The following CNTNAP3B variants were observed in gnomAD, a reference collection of about 807,000 sequenced individuals.
CNTNAP3B encodes contactin-associated protein-like 3B.
A neutral mutation model predicts 108.9 loss-of-function variants in CNTNAP3B; 25 were observed. The observed-to-expected ratio is 0.23, with a 90% CI of 0.17 to 0.32. The LOEUF is 0.32. Among genes scored for constraint, CNTNAP3B ranks in the 10% least tolerant of loss-of-function variants. The pLI is 1.00. For missense variants in CNTNAP3B, 252 were observed against 1,210.4 expected (o/e 0.21, Z 11.75); for synonymous variants, 103 against 473.4 (o/e 0.22, Z 10.16).
intron 12 of CNTNAP3B, among the ~76,000 whole-genome samples, chr9:41,958,026 T>C (rs1461552389): frequency 1.3e-5 from 2 of 152,290 alleles, no homozygotes; most frequent in Non-Finnish European, 1.5e-5. Flanking sequence ...CCTCCCACAG[T>C]GCTGGGATTA....
At chr9:42,118,710 C>T (rs571822485) in intron 1 of CNTNAP3B, among the ~76,000 whole-genome samples, 1 of 113,572 alleles carries the variant, frequency 8.8e-6, no homozygotes, top group Non-Finnish European at 1.8e-5. Context: ...AAAGGGCATT[C>T]AATTAGGAAA....
At chr9:41,962,617 A>G (rs1825134698) in intron 11 of CNTNAP3B, among the ~76,000 whole-genome samples, 1 of 141,658 alleles carries the variant, frequency 7.1e-6, no homozygotes, top group East Asian at 2.1e-4. Context: ...TGACCTTATC[A>G]AGACATTCAG....
intron 2 of CNTNAP3B, among the ~76,000 whole-genome samples, chr9:42,078,793 T>G (rs1193709560): frequency 1.3e-5 from 2 of 148,524 alleles, no homozygotes; most frequent in African/African-American, 2.6e-5. Context: ...CCAGAGACAG[T>G]GCACAGATTT....
chr9:41,943,392 G>A (rs1325520071), intron 13 of CNTNAP3B, among the ~76,000 whole-genome samples: 2,941 of 132,350 alleles, frequency 0.022, 3 homozygotes, highest in Middle Eastern at 0.05. Context: ...TCTCTCTGTC[G>A]CTCAGGCTGG....
In CNTNAP3B at chr9:41,964,649, A is replaced by C; in HGVS notation, c.1650-5T>G. 1 of 1,477,802 alleles carries C rather than the reference A, an allele frequency of 6.8e-7. No individual in the cohort carries two copies. The highest frequency in any genetic ancestry group is 8.9e-7 in the Non-Finnish European group (1 of 1,119,382). The allele number at this position is 1,477,802 out of a possible 1,614,324, so 91.5% of individuals were successfully genotyped here. On this transcript the variant is annotated splice_polypyrimidine_tract_variant and splice_region_variant and intron_variant, in intron 10 of 23. Coordinates refer to ENST00000377561, the MANE Select transcript of CNTNAP3B (RefSeq NM_001201380.3). ...TCACAGTAGCTGGGCAAGCACCTAA[A>C]AGAAAACAGATACAACTGCTGTTTC...
chr9:41,954,195 TA>T (rs1824787030), intron 12 of CNTNAP3B, among the ~76,000 whole-genome samples: 1 of 152,258 alleles, frequency 6.6e-6, no homozygotes, highest in African/African-American at 2.4e-5. Flanking sequence ...ACATTTTACA[TA>T]AAAATTTTCC....
rs926286084 is a variant in CNTNAP3B, at chr9:42,101,840, C to T, written c.196+2789G>A. ...TTGGGAGGCCGAGGTGGGCATACCA[C>T]GAGGTCAGGACATTGAGACCATCCG... On this transcript the variant is annotated intron_variant, in intron 2 of 23. Coordinates refer to ENST00000377561, the MANE Select transcript of CNTNAP3B (RefSeq NM_001201380.3). Among the ~76,000 whole-genome samples the T allele has an allele frequency of 5.9e-3, 724 of 122,026 alleles. 126 individuals carry two copies. The highest frequency in any genetic ancestry group is 0.023 in the African/African-American group (680 of 29,670). The allele number at this position is 122,026 out of a possible 152,430, so 80.1% of individuals were successfully genotyped here.
intron 13 of CNTNAP3B, among the ~76,000 whole-genome samples, chr9:41,942,259 A>G (rs1225660127): frequency 2.0e-5 from 3 of 152,260 alleles, no homozygotes; most frequent in Non-Finnish European, 2.9e-5. Flanking sequence ...GCAGATCATG[A>G]GGTCAGGAGA....
chr9:42,117,705 A>C (rs1280560649), intron 1 of CNTNAP3B, among the ~76,000 whole-genome samples: 1 of 136,060 alleles, frequency 7.3e-6, no homozygotes, highest in Non-Finnish European at 1.6e-5. Context: ...TAGAGACACA[A>C]AAAAACCCTT....
chr9:41,940,107 G>T (rs1361600513), intron 13 of CNTNAP3B, among the ~76,000 whole-genome samples: 3 of 152,298 alleles, frequency 2.0e-5, no homozygotes, highest in Non-Finnish European at 2.9e-5. Flanking sequence ...AATATAAAAA[G>T]AACTGAGCCA....
chr9:42,087,835 A>AT (rs1451068217), intron 2 of CNTNAP3B, among the ~76,000 whole-genome samples: 1 of 130,698 alleles, frequency 7.7e-6, no homozygotes, highest in African/African-American at 3.1e-5. Flanking sequence ...AGAGTTTCAC[A>AT]TACTGAAATT....
Position 42,080,238 on chromosome 9 carries a change from C to T in CNTNAP3B, c.197-3176G>A, listed in dbSNP as rs533755112. 6.6e-5 allele frequency among the ~76,000 whole-genome samples: 9 copies of T among 136,620 alleles called. 3 individuals carry two copies. Among genetic ancestry groups the T allele is most frequent in the South Asian group, 2.4e-4 (1 of 4,174 alleles). The allele number at this position is 136,620 out of a possible 152,430, so 89.6% of individuals were successfully genotyped here. On this transcript the variant is annotated intron_variant, in intron 2 of 23. Coordinates refer to ENST00000377561, the MANE Select transcript of CNTNAP3B (RefSeq NM_001201380.3). Reference sequence around the variant, plus strand: ...TAGTTTGTTGGTGTTCATGGTTGCACTCCTGCTAACAGATGACACATTTCA... The same window carrying T: ...TAGTTTGTTGGTGTTCATGGTTGCATTCCTGCTAACAGATGACACATTTCA...
chr9:42,113,556 C>T (rs1306541636), intron 1 of CNTNAP3B, among the ~76,000 whole-genome samples: 1 of 139,174 alleles, frequency 7.2e-6, no homozygotes, highest in Non-Finnish European at 1.5e-5. Flanking sequence ...AACACAGGTG[C>T]ATATAATTTA....
intron 1 of CNTNAP3B, among the ~76,000 whole-genome samples, chr9:42,117,077 G>T (rs1422601284): frequency 7.2e-6 from 1 of 138,592 alleles, no homozygotes; most frequent in African/African-American, 2.9e-5. Flanking sequence ...ATAATAATGG[G>T]AGATTTTAAC....
intron 15 of CNTNAP3B, among the ~76,000 whole-genome samples, chr9:41,927,816 C>T (rs1823861467): frequency 2.0e-5 from 3 of 151,882 alleles, no homozygotes; most frequent in East Asian, 1.9e-4. Context: ...AAATTACTGA[C>T]ATTGGGAAAA....
chr9:42,110,133 A>T (rs1348331866), intron 1 of CNTNAP3B, among the ~76,000 whole-genome samples: 1 of 110,638 alleles, frequency 9.0e-6, no homozygotes, highest in Non-Finnish European at 1.9e-5. Context: ...CATTTCTCAC[A>T]AGGGCCATAG....
intron 8 of CNTNAP3B, among the ~76,000 whole-genome samples, chr9:41,987,213 C>T (rs1337810812): frequency 8.1e-6 from 1 of 123,328 alleles, no homozygotes; most frequent in Non-Finnish European, 1.7e-5. Flanking sequence ...GTAATCCCAG[C>T]AGTTTGGGAG....
At chr9:42,003,013 AGTAGC>A (rs780912187) in intron 4 of CNTNAP3B, among the ~76,000 whole-genome samples, 1 of 118,216 alleles carries the variant, frequency 8.5e-6, no homozygotes, top group Non-Finnish European at 1.7e-5. Context: ...CAGCCTCCCA[AGTAGC>A]TGGGATTATA....
intron 2 of CNTNAP3B, among the ~76,000 whole-genome samples, chr9:42,089,444 T>A (rs1412560006): frequency 8.8e-5 from 12 of 136,484 alleles, no homozygotes; most frequent in Admixed American, 4.4e-4. Context: ...TTCTAAGTAG[T>A]TAAAGATCGC....
Sources: allele counts gnomAD v4.1 joint callset (sites outside exome capture counted in the v4.1 genomes callset), GRCh38; gene constraint gnomAD v4.1.1; transcripts MANE v1.5; gene names NCBI Gene and HGNC (gene_info 2026-07-23, HGNC 2026-07-21).